Variants in GCH1 observed in about 807,000 individuals in gnomAD.
The protein encoded by GCH1 is GTP cyclohydrolase I.
A neutral mutation model predicts 25.9 loss-of-function variants in GCH1; 5 were observed. The ratio of observed to expected loss-of-function variants is 0.19; its 90% CI spans 0.10 to 0.41. The LOEUF is 0.41. Ranked by LOEUF, GCH1 falls within the 10% of genes least tolerant of loss-of-function variation. The pLI is 1.00. For synonymous variants in GCH1, 159 were observed against 129.6 expected, an observed-to-expected ratio of 1.23 and a Z score of -1.54; for missense variants, 261 against 336.5, an observed-to-expected ratio of 0.78 and a Z score of 1.75.
chr14:54,901,046 G>A (rs1056246137), intron 1 of GCH1, among the ~76,000 whole-genome samples: 15 of 152,226 alleles, frequency 9.9e-5, no homozygotes, highest in Admixed American at 6.5e-4. Flanking sequence ...AGTCACTGCC[G>A]GTTTTAGAGT....
chr14:54,868,612 C>G (rs2040021936), intron 1 of GCH1, among the ~76,000 whole-genome samples: 3 of 151,718 alleles, frequency 2.0e-5, no homozygotes, highest in Admixed American at 2.0e-4. Flanking sequence ...ATTATTTTTT[C>G]TTTTTTTGAG....
chr14:54,845,032 G>A (rs912748086), intron 5 of GCH1, among the ~76,000 whole-genome samples: 3 of 152,140 alleles, frequency 2.0e-5, no homozygotes, highest in African/African-American at 7.2e-5. Context: ...AATTAGCTGG[G>A]TGTGGTGGCG....
At chr14:54,849,698 C>T (rs2039696254) in intron 3 of GCH1, among the ~76,000 whole-genome samples, 1 of 152,144 alleles carries the variant, frequency 6.6e-6, no homozygotes, top group Admixed American at 6.5e-5. Context: ...AGCACATTGC[C>T]TCTGTTATCT....
intron 3 of GCH1, among the ~76,000 whole-genome samples, chr14:54,855,692 T>A (rs1362832299): frequency 6.6e-6 from 1 of 151,156 alleles, no homozygotes; most frequent in Admixed American, 6.6e-5. Context: ...TGCACATCAG[T>A]AATCCCAGCT....
intron 1 of GCH1, among the ~76,000 whole-genome samples, chr14:54,887,630 T>A (rs2040370465): frequency 6.6e-6 from 1 of 152,176 alleles, no homozygotes; most frequent in Non-Finnish European, 1.5e-5. Context: ...GAAATGTGAA[T>A]ATATATTAGG....
chr14:54,874,892 A>C (rs1459821961), intron 1 of GCH1, among the ~76,000 whole-genome samples: 1 of 152,236 alleles, frequency 6.6e-6, no homozygotes. Context: ...GGAAGAATCA[A>C]TATCGCGAAA....
At chr14:54,882,540 C>T (rs10873086) in intron 1 of GCH1, among the ~76,000 whole-genome samples, 32,642 of 152,086 alleles carry the variant, frequency 0.21, 4,885 homozygotes, top group East Asian at 0.42. Flanking sequence ...TAAAAACACA[C>T]ACACACTTGC....
intron 1 of GCH1, among the ~76,000 whole-genome samples, chr14:54,876,614 T>C (rs542336933): frequency 6.6e-6 from 1 of 152,214 alleles, no homozygotes; most frequent in East Asian, 1.9e-4. Context: ...CAGTGAGCTA[T>C]GATTACACCA....
chr14:54,880,721 CA>C (rs377389668), intron 1 of GCH1, among the ~76,000 whole-genome samples: 2 of 36,664 alleles, frequency 5.5e-5, no homozygotes, highest in African/African-American at 2.3e-4. Flanking sequence ...TATATATACT[CA>C]TATATATATA....
intron 3 of GCH1, among the ~76,000 whole-genome samples, chr14:54,850,002 T>A (rs1327340174): frequency 2.0e-5 from 3 of 152,064 alleles, no homozygotes; most frequent in African/African-American, 4.8e-5. Context: ...TGGCACGGAG[T>A]CTTGCTCTGT....
Position 54,902,774 on chromosome 14 carries a change from G to A in GCH1, c.-111C>T. 1 of 1,326,060 alleles carries A rather than the reference G, an allele frequency of 7.5e-7. No homozygotes were observed. Among genetic ancestry groups the A allele is most frequent in the Non-Finnish European group, 9.7e-7 (1 of 1,035,556 alleles). 82.1% of individuals were successfully genotyped at this position (1,326,060 alleles called of 1,614,324 possible). ...TGGGCTGTGGCCGGAGTCACCTGAGGAAGGTACGCAACCTGCTTAGATCAC... is the reference window on the plus strand; with the variant it reads ...TGGGCTGTGGCCGGAGTCACCTGAGAAAGGTACGCAACCTGCTTAGATCAC... On this transcript the variant is annotated 5_prime_UTR_variant, in exon 1 of 6. Transcript: ENST00000491895.
At position 54,859,791 on chromosome 14, in the gene GCH1, T is replaced by C. The variant is rs1425189215; in HGVS notation, c.454-55A>G. The C allele has an allele frequency of 3.5e-5, 32 of 915,446 alleles. No homozygotes were observed. The South Asian group carries it at 3.6e-4, about 10-fold the overall frequency. The allele number at this position is 915,446 out of a possible 1,614,324, so 56.7% of individuals were successfully genotyped here. ...GAGTGAAAATACAGTGCCTTCTTTG[T>C]GACAAAATAAGGAAATATAGAAAGA... On this transcript the variant is annotated intron_variant, in intron 2 of 5. Transcript: ENST00000491895.
intron 1 of GCH1, among the ~76,000 whole-genome samples, chr14:54,896,588 C>A (rs181498217): frequency 1.8e-4 from 28 of 152,090 alleles, no homozygotes; most frequent in African/African-American, 6.3e-4. Flanking sequence ...AGCCAGTGCA[C>A]ACACACACAA....
chr14:54,847,968 C>T (rs1238667022), intron 3 of GCH1, among the ~76,000 whole-genome samples: 1 of 152,120 alleles, frequency 6.6e-6, no homozygotes, highest in Non-Finnish European at 1.5e-5. Flanking sequence ...CGGTCAACTA[C>T]TATACCAACT....
Position 54,842,932 on chromosome 14 carries a change from G to A in GCH1, c.*1085C>T. ...GAAACCGGGACCAGAAGCTTCCAGT[G>A]CATTTTCACAGATCGTTGGTACGAT... On this transcript the variant is annotated 3_prime_UTR_variant, in exon 6 of 6. Transcript: ENST00000491895. 4.6e-6 allele frequency: 3 copies of A among 651,218 alleles called. No homozygotes were observed. The highest frequency in any genetic ancestry group is 2.0e-5 in the South Asian group (1 of 51,148). The allele number at this position is 651,218 out of a possible 1,614,324, so 40.3% of individuals were successfully genotyped here.
At chr14:54,879,984 C>CAAAAAAAAA (rs35476604) in intron 1 of GCH1, among the ~76,000 whole-genome samples, 1 of 49,588 alleles carries the variant, frequency 2.0e-5, no homozygotes, top group African/African-American at 6.8e-5. Context: ...GGCTCTGTCT[C>CAAAAAAAAA]AAAAAAAAAA....
chr14:54,895,439 T>C (rs1472737934), intron 1 of GCH1, among the ~76,000 whole-genome samples: 1 of 152,122 alleles, frequency 6.6e-6, no homozygotes, highest in Non-Finnish European at 1.5e-5. Flanking sequence ...CAAAAACTCA[T>C]AAAAAACAAC....
intron 1 of GCH1, among the ~76,000 whole-genome samples, chr14:54,875,961 T>C (rs543348541): frequency 1.2e-3 from 184 of 152,268 alleles, no homozygotes; most frequent in African/African-American, 4.0e-3. Flanking sequence ...GATCTAGAAC[T>C]AGAAATACCA....
chr14:54,894,735 T>C (rs1330065325), intron 1 of GCH1, among the ~76,000 whole-genome samples: 2 of 133,446 alleles, frequency 1.5e-5, no homozygotes, highest in Admixed American at 1.4e-4. Flanking sequence ...TCCAATCATA[T>C]AATATGTCAA....
Sources: allele counts gnomAD v4.1 joint callset (sites outside exome capture counted in the v4.1 genomes callset), GRCh38; gene constraint gnomAD v4.1.1; transcripts MANE v1.5; gene names NCBI Gene and HGNC (gene_info 2026-07-23, HGNC 2026-07-21).